The following SVOPL variants were observed in gnomAD, a reference collection of about 807,000 sequenced individuals.
The protein encoded by SVOPL is SVOP like.
Under a neutral mutation model 61.0 loss-of-function variants are expected in SVOPL, and 60 were observed. That is an observed-to-expected ratio of 0.98 (90% CI 0.80 to 1.22). The LOEUF (loss-of-function observed/expected upper bound fraction) is 1.22. Ranked by LOEUF, SVOPL falls within the 50% of genes most tolerant of loss-of-function variation. The probability of loss-of-function intolerance (pLI) is 0.00; values close to 1 mark genes in which losing one functional copy is unlikely to be tolerated. For synonymous variants in SVOPL, 279 were observed against 250.0 expected (o/e 1.12, Z -1.09); for missense variants, 662 against 643.9 (o/e 1.03, Z -0.30).
intron 9 of SVOPL, among the ~76,000 whole-genome samples, chr7:138,637,450 A>C (rs569068282): frequency 1.0e-4 from 1 of 9,950 alleles, no homozygotes; most frequent in African/African-American, 6.6e-4. Context: ...ATAGATAGAT[A>C]GATAGATATA....
chr7:138,639,628 AAAAAG>A (rs1194525964), intron 9 of SVOPL, among the ~76,000 whole-genome samples: 1 of 152,060 alleles, frequency 6.6e-6, no homozygotes, highest in African/African-American at 2.4e-5. Context: ...TCAAAAAAAA[AAAAAG>A]AAAAGAAGAG....
At chr7:138,689,563 A>AC in intron 1 of SVOPL, 42 of 478,656 alleles carry the variant, frequency 8.8e-5, no homozygotes, top group Non-Finnish European at 1.0e-4. Flanking sequence ...AAGTAAAAAA[A>AC]GAAAAAAAAA....
chr7:138,601,950 C>T (rs1057389585), intron 14 of SVOPL, among the ~76,000 whole-genome samples: 15 of 152,172 alleles, frequency 9.9e-5, no homozygotes, highest in Admixed American at 2.0e-4. Flanking sequence ...ATCCCTTGTC[C>T]GTTCTCCACT....
In SVOPL at chr7:138,645,241, G is replaced by A. The variant is rs751046416; in HGVS notation, c.661-396C>T. On this transcript the variant is annotated intron_variant, in intron 8 of 15. Coordinates refer to ENST00000674285, the MANE Select transcript of SVOPL (RefSeq NM_001139456.2). ...AACCACCAAAGGGTGACAGGAACAGGGGGCTCCAGCACCCACACGGTGGAG... is the reference window on the plus strand; with the variant it reads ...AACCACCAAAGGGTGACAGGAACAGAGGGCTCCAGCACCCACACGGTGGAG... 2.4e-4 allele frequency among the ~76,000 whole-genome samples: 36 copies of A among 152,070 alleles called. 1 individual carries two copies. The highest frequency in any genetic ancestry group is 8.8e-5 in the Non-Finnish European group (6 of 68,016).
Position 138,594,494 on chromosome 7 carries a change from C to A in SVOPL, c.*116G>T. ...CCATATATGCCTTTAAAAAAAAAAT[C>A]ACTTTACTAATTACCGAGTAGCATA... On this transcript the variant is annotated 3_prime_UTR_variant, in exon 16 of 16. Coordinates refer to ENST00000674285, the MANE Select transcript of SVOPL (RefSeq NM_001139456.2). 1.2e-6 allele frequency: 1 copy of A among 860,604 alleles called. No homozygotes were observed. The highest frequency in any genetic ancestry group is 2.3e-5 in the South Asian group (1 of 44,112). The allele number at this position is 860,604 out of a possible 1,614,324, so 53.3% of individuals were successfully genotyped here. A position where few individuals can be genotyped will look rare whatever the true frequency, so the allele number is the denominator to read the frequency against.
intron 1 of SVOPL, among the ~76,000 whole-genome samples, chr7:138,679,533 A>G (rs970809461): frequency 6.6e-6 from 1 of 152,088 alleles, no homozygotes; most frequent in Admixed American, 6.6e-5. Context: ...TCGGCTTCCC[A>G]AAGTGCTGGG....
In SVOPL at chr7:138,667,472, G is replaced by A. The variant is rs2117101680; in HGVS notation, c.274-4327C>T. Among the ~76,000 whole-genome samples the A allele has an allele frequency of 2.0e-5, 3 of 152,294 alleles. No homozygotes were observed. In the South Asian group the frequency reaches 6.2e-4, roughly 32 times the overall value. On this transcript the variant is annotated intron_variant, in intron 4 of 15. Coordinates refer to ENST00000674285, the MANE Select transcript of SVOPL (RefSeq NM_001139456.2). ...GAGACTCATTCTTCCCAGAAGATGA[G>A]ACCATTCTTCCACCTGCCCTGAGAC...
At chr7:138,664,706 T>C (rs1343798797) in intron 4 of SVOPL, among the ~76,000 whole-genome samples, 2 of 150,320 alleles carry the variant, frequency 1.3e-5, no homozygotes, top group Non-Finnish European at 3.0e-5. Flanking sequence ...GGCGCACCCC[T>C]GATCCTCCAT....
intron 14 of SVOPL, chr7:138,596,901 CCT>C (rs1351468187): frequency 4.6e-6 from 5 of 1,087,058 alleles, no homozygotes; most frequent in Admixed American, 9.5e-5. Flanking sequence ...CATGCTATAT[CCT>C]CTGTCTGCCA....
intron 12 of SVOPL, among the ~76,000 whole-genome samples, chr7:138,626,873 C>A (rs190703473): frequency 6.8e-4 from 104 of 152,100 alleles, no homozygotes; most frequent in African/African-American, 2.5e-3. Context: ...AATTAGCACA[C>A]CTGCTGCTAC....
chr7:138,642,837 AAAAAAAAAAAAAAG>A (rs1370540202), intron 9 of SVOPL, among the ~76,000 whole-genome samples: 1 of 46,066 alleles, frequency 2.2e-5, no homozygotes. Context: ...CCTCCAAAAA[AAAAAAAAAAAAAAG>A]AAGAAACAAA....
chr7:138,627,590 G>T, intron 11 of SVOPL, 129 bp from the exon 12 acceptor site: 1 of 675,428 alleles, frequency 1.5e-6, no homozygotes, highest in Non-Finnish European at 2.5e-6. Context: ...GAGTATTCCA[G>T]CCAAAATCCA....
In SVOPL at chr7:138,656,347, A is replaced by G. The variant is rs1480839813; in HGVS notation, c.534+101T>C. 7 of 1,172,848 alleles carry G rather than the reference A, an allele frequency of 6.0e-6. No individual in the cohort carries two copies. In the African/African-American group the frequency reaches 1.1e-4, roughly 18 times the overall value. 72.7% of individuals were successfully genotyped at this position (1,172,848 alleles called of 1,614,324 possible). A position where few individuals can be genotyped will look rare whatever the true frequency, so the allele number is the denominator to read the frequency against. The stretch of plus-strand genomic sequence containing the variant: ...TTTATTCTGATACTCGCTTAATTGC[A>G]GCGAGCTGGTACCAAACCAGCAGTA... On this transcript the variant is annotated intron_variant, in intron 7 of 15. Coordinates refer to ENST00000674285, the MANE Select transcript of SVOPL (RefSeq NM_001139456.2).
intron 7 of SVOPL, among the ~76,000 whole-genome samples, chr7:138,653,932 CA>C (rs34826230): frequency 0.11 from 14,695 of 132,230 alleles, 684 homozygotes; most frequent in Non-Finnish European, 0.13. Flanking sequence ...GACTCTGTCT[CA>C]AAAAAAAAAA....
intron 4 of SVOPL, among the ~76,000 whole-genome samples, chr7:138,668,967 C>T (rs28601695): frequency 0.48 from 72,835 of 151,978 alleles, 17,822 homozygotes; most frequent in Middle Eastern, 0.58. Flanking sequence ...CCTGGGCTCA[C>T]AGTTCTTCTA....
At chr7:138,634,213 G>A (rs10224172) in intron 9 of SVOPL, among the ~76,000 whole-genome samples, 12,564 of 152,172 alleles carry the variant, frequency 0.083, 690 homozygotes, top group African/African-American at 0.14. Flanking sequence ...TCCTATCAAA[G>A]TCTGCACTGA....
chr7:138,610,747 A>G (rs1365192104), intron 14 of SVOPL, among the ~76,000 whole-genome samples: 3 of 152,200 alleles, frequency 2.0e-5, no homozygotes, highest in African/African-American at 7.2e-5. Context: ...CACCCTTATG[A>G]GGCTCCAGCC....
At position 138,662,380 on chromosome 7, in the gene SVOPL, T is replaced by C. The variant is rs568357155; in HGVS notation, c.345+694A>G. 1.0e-5 allele frequency: 10 copies of C among 985,416 alleles called. No homozygotes were observed. The South Asian group carries it at 3.8e-4, about 37-fold the overall frequency. The allele number at this position is 985,416 out of a possible 1,614,324, so 61.0% of individuals were successfully genotyped here. ...TTTCAAACAGATAGGTGCCTGAGGG[T>C]GAGTTTTCTTGCCCCAAAATTAAGG... On this transcript the variant is annotated intron_variant, in intron 5 of 15. Transcript: ENST00000674285.
At chr7:138,672,980 G>A (rs1306507459) in intron 3 of SVOPL, among the ~76,000 whole-genome samples, 1 of 151,700 alleles carries the variant, frequency 6.6e-6, no homozygotes, top group African/African-American at 2.4e-5. Flanking sequence ...ATGAAAGTTA[G>A]GTAAAGGATC....
Sources: allele counts gnomAD v4.1 joint callset (sites outside exome capture counted in the v4.1 genomes callset), GRCh38; gene constraint gnomAD v4.1.1; transcripts MANE v1.5; gene names NCBI Gene and HGNC (gene_info 2026-07-23, HGNC 2026-07-21).